Variants in PTPDC1 observed in about 807,000 individuals in gnomAD.
PTPDC1 encodes protein tyrosine phosphatase domain-containing protein 1.
PTPDC1 carries 53 observed loss-of-function variants against 75.3 expected under a neutral mutation model. That is an observed-to-expected ratio of 0.70 (90% CI 0.56 to 0.88). The LOEUF is 0.88. Ranked by LOEUF, PTPDC1 falls within the 40% of genes least tolerant of loss-of-function variation. The pLI is 0.00. For synonymous variants in PTPDC1, 349 were observed against 366.2 expected (o/e 0.95, Z 0.54); for missense variants, 925 against 998.6 (o/e 0.93, Z 0.99).
chr9:94,101,822 C>T (rs997032904), intron 7 of PTPDC1, 71 bp downstream of exon 7: 4 of 848,786 alleles, frequency 4.7e-6, no homozygotes, highest in Middle Eastern at 3.1e-4. Context: ...AAAAAAAAAT[C>T]CATTATAAAA....
At chr9:94,057,389 C>A (rs1356043237) in intron 1 of PTPDC1, among the ~76,000 whole-genome samples, 1 of 152,038 alleles carries the variant, frequency 6.6e-6, no homozygotes, top group Non-Finnish European at 1.5e-5. Context: ...CAGCCCATTA[C>A]TAACTATTAA....
intron 1 of PTPDC1, among the ~76,000 whole-genome samples, chr9:94,057,276 G>T (rs1241518996): frequency 6.6e-6 from 1 of 151,962 alleles, no homozygotes; most frequent in African/African-American, 2.4e-5. Flanking sequence ...TAGAGACAGG[G>T]TTTTGCCATC....
intron 2 of PTPDC1, among the ~76,000 whole-genome samples, chr9:94,076,940 G>A (rs2117933493): frequency 6.6e-6 from 1 of 152,204 alleles, no homozygotes; most frequent in African/African-American, 2.4e-5. Flanking sequence ...TAGTGATGTT[G>A]AGCATCTTTT....
intron 1 of PTPDC1, chr9:94,038,377 T>G (rs1825335781): frequency 4.4e-6 from 2 of 457,502 alleles, no homozygotes; most frequent in African/African-American, 4.0e-5. Flanking sequence ...ATTACAAATG[T>G]CTCATGACTT....
intron 1 of PTPDC1, among the ~76,000 whole-genome samples, chr9:94,039,627 T>A (rs955464846): frequency 5.9e-5 from 9 of 152,044 alleles, no homozygotes; most frequent in African/African-American, 9.7e-5. Context: ...CTACAAAAAA[T>A]TTTTTAAATG....
Position 94,087,925 on chromosome 9 carries a change from T to C in PTPDC1, c.497+14T>C. On this transcript the variant is annotated intron_variant, in intron 3 of 8. Coordinates refer to ENST00000620992, the MANE Select transcript of PTPDC1 (RefSeq NM_001253829.2). ...TCAGTTCCTCAGGTAAATGCTGTAT[T>C]GTTCACACACGAGTGAGCAAACTCA... is the stretch of plus-strand genomic sequence containing the variant. 6.2e-7 allele frequency: 1 copy of C among 1,605,020 alleles called. No individual in the cohort carries two copies. The highest frequency in any genetic ancestry group is 8.5e-7 in the Non-Finnish European group (1 of 1,172,028).
Position 94,052,329 on chromosome 9 carries a change from T to A in PTPDC1, c.-6-12405T>A, listed in dbSNP as rs141192437. On this transcript the variant is annotated intron_variant, in intron 1 of 9. Transcript: ENST00000375360. ...TTAATTCTGGTGTGGTCTAAAAATA[T>A]ACTTTCTATTATTTCTCTTCTTTTA... is the stretch of plus-strand genomic sequence containing the variant. 2.3e-3 allele frequency among the ~76,000 whole-genome samples: 347 copies of A among 152,312 alleles called. 3 individuals are homozygous for A. The highest frequency in any genetic ancestry group is 0.01 in the Middle Eastern group (3 of 294).
At chr9:94,058,814 C>G (rs1564014940) in intron 1 of PTPDC1, among the ~76,000 whole-genome samples, 1 of 152,096 alleles carries the variant, frequency 6.6e-6, no homozygotes, top group African/African-American at 2.4e-5. Context: ...CATGGCAAAA[C>G]CCCATCTCTA....
rs996426983 is a variant in PTPDC1 at position 94,040,178 on chromosome 9, G to C, written c.-7+9051G>C. Among the ~76,000 whole-genome samples, 54 of 152,034 alleles carry C rather than the reference G, an allele frequency of 3.6e-4. 2 individuals are homozygous for C. Among genetic ancestry groups the C allele is most frequent in the Middle Eastern group, 6.3e-3 (2 of 316 alleles). ...GTAAACTGGGCCTCTACTGATTGCT[G>C]TGAATCTCTGGATTTTTGGAATATT... is the stretch of plus-strand genomic sequence containing the variant. On this transcript the variant is annotated intron_variant, in intron 1 of 9. Transcript: ENST00000375360.
intron 2 of PTPDC1, among the ~76,000 whole-genome samples, chr9:94,073,866 C>T (rs1411944959): frequency 6.6e-6 from 1 of 152,096 alleles, no homozygotes; most frequent in Non-Finnish European, 1.5e-5. Flanking sequence ...ATAAGTTTGA[C>T]GTTCAATTTC....
At chr9:94,074,444 A>G (rs189364495) in intron 2 of PTPDC1, among the ~76,000 whole-genome samples, 14 of 152,298 alleles carry the variant, frequency 9.2e-5, no homozygotes, top group East Asian at 7.7e-4. Context: ...CCACCTAGGA[A>G]GAAGTAGAGG....
chr9:94,100,232 CAG>C (rs1429002281), intron 6 of PTPDC1: 1 of 152,318 alleles, frequency 6.6e-6, no homozygotes, highest in Non-Finnish European at 1.5e-5. Flanking sequence ...GTGGCAGAGT[CAG>C]GGTACAGCAC....
chr9:94,039,859 T>C (rs1825380414), intron 1 of PTPDC1, among the ~76,000 whole-genome samples: 1 of 152,206 alleles, frequency 6.6e-6, no homozygotes, highest in South Asian at 2.1e-4. Flanking sequence ...TATAGTAGAT[T>C]CTGTTAAAAA....
chr9:94,063,077 G>A (rs1040472554), intron 1 of PTPDC1, among the ~76,000 whole-genome samples: 18 of 152,278 alleles, frequency 1.2e-4, no homozygotes, highest in African/African-American at 3.8e-4. Flanking sequence ...TGAGGGCAGG[G>A]AAAGCTTCAC....
chr9:94,095,336 A>C lies in PTPDC1; in HGVS notation c.636A>C (p.Gly212=). Residue 212 remains glycine, a synonymous_variant, in exon 5 of 9, where the codon GGA becomes GGC. Coordinates refer to ENST00000620992, the MANE Select transcript of PTPDC1 (RefSeq NM_001253829.2). Reference sequence around the variant, plus strand: ...TCCTAGTTTACTTCTACAATTTCGGATGGAAGGATTATGGTGTAGCGTCTC... The same window carrying C: ...TCCTAGTTTACTTCTACAATTTCGGCTGGAAGGATTATGGTGTAGCGTCTC... The part of the protein sequence containing the change: ...MEAGIYFYNF[G]WKDYGVASLT... 1 of 1,604,008 alleles carries C rather than the reference A, an allele frequency of 6.2e-7. No homozygotes were observed. The highest frequency in any genetic ancestry group is 1.1e-5 in the South Asian group (1 of 88,478).
At chr9:94,035,495 G>T (rs1825236769) in intron 1 of PTPDC1, among the ~76,000 whole-genome samples, 1 of 152,148 alleles carries the variant, frequency 6.6e-6, no homozygotes, top group Non-Finnish European at 1.5e-5. Context: ...TCCACGTTGT[G>T]GCAAATGTCA....
At chr9:94,058,040 G>T (rs1043714273) in intron 1 of PTPDC1, among the ~76,000 whole-genome samples, 1 of 152,212 alleles carries the variant, frequency 6.6e-6, no homozygotes, top group African/African-American at 2.4e-5. Flanking sequence ...AACAAACACA[G>T]TGAGTTTACC....
intron 1 of PTPDC1, among the ~76,000 whole-genome samples, chr9:94,058,037 A>G (rs1390448422): frequency 2.6e-5 from 4 of 152,244 alleles, no homozygotes; most frequent in Non-Finnish European, 5.9e-5. Context: ...AGAAACAAAC[A>G]CAGTGAGTTT....
At chr9:94,094,872 CAGAA>C (rs1827492997) in intron 4 of PTPDC1, among the ~76,000 whole-genome samples, 1 of 152,222 alleles carries the variant, frequency 6.6e-6, no homozygotes, top group South Asian at 2.1e-4. Context: ...TTCTTTGACT[CAGAA>C]AGGGAACCCC....
Sources: allele counts gnomAD v4.1 joint callset (sites outside exome capture counted in the v4.1 genomes callset), GRCh38; gene constraint gnomAD v4.1.1; transcripts MANE v1.5; gene names NCBI Gene and HGNC (gene_info 2026-07-23, HGNC 2026-07-21).